ZBTB16: variants seen among roughly 807,000 people sequenced by gnomAD.
ZBTB16 encodes the protein zinc finger and BTB domain-containing protein 16.
A neutral mutation model predicts 56.8 loss-of-function variants in ZBTB16; 8 were observed. The ratio of observed to expected loss-of-function variants is 0.14; its 90% CI spans 0.08 to 0.25. The LOEUF (loss-of-function observed/expected upper bound fraction) is 0.25. ZBTB16 is among the 10% of genes least tolerant of loss of function. ZBTB16 has a pLI of 1.00. For synonymous variants in ZBTB16, 363 were observed against 368.5 expected, an observed-to-expected ratio of 0.98 and a Z score of 0.17; for missense variants, 625 against 903.0, an observed-to-expected ratio of 0.69 and a Z score of 3.95.
intron 5 of ZBTB16, among the ~76,000 whole-genome samples, chr11:114,242,970 AG>A: frequency 6.6e-6 from 1 of 152,074 alleles, no homozygotes; most frequent in Admixed American, 6.5e-5. Flanking sequence ...AGGGGGTACA[AG>A]GTAAGGAGGC....
chr11:114,089,061 C>G (rs1940077662), intron 2 of ZBTB16, among the ~76,000 whole-genome samples: 1 of 152,256 alleles, frequency 6.6e-6, no homozygotes, highest in Non-Finnish European at 1.5e-5. Flanking sequence ...TCCTCACCCC[C>G]ACCCAGTACC....
intron 3 of ZBTB16, among the ~76,000 whole-genome samples, chr11:114,182,481 G>GT (rs1475630847): frequency 6.6e-6 from 1 of 152,076 alleles, no homozygotes; most frequent in Non-Finnish European, 1.5e-5. Context: ...CGTCTCTTTT[G>GT]TTTATTTCCT....
intron 3 of ZBTB16, among the ~76,000 whole-genome samples, chr11:114,181,303 A>G (rs1253460276): frequency 1.3e-5 from 2 of 152,098 alleles, no homozygotes; most frequent in Admixed American, 6.6e-5. Flanking sequence ...CCTTGTCGCA[A>G]CTCTCCAAGG....
chr11:114,241,919 C>T (rs183512883), intron 4 of ZBTB16, among the ~76,000 whole-genome samples: 115 of 152,246 alleles, frequency 7.6e-4, no homozygotes, highest in Non-Finnish European at 1.2e-3. Flanking sequence ...CTTGCTGCTG[C>T]GATGTATTTG....
intron 3 of ZBTB16, among the ~76,000 whole-genome samples, chr11:114,170,882 T>C (rs114647080): frequency 0.011 from 1,692 of 152,306 alleles, 33 homozygotes; most frequent in African/African-American, 0.036. Context: ...CTCAGTTGCC[T>C]TTGCTAATAT....
At chr11:114,249,670 C>T (rs1445043550) in intron 6 of ZBTB16, among the ~76,000 whole-genome samples, 1 of 142,238 alleles carries the variant, frequency 7.0e-6, no homozygotes, top group African/African-American at 2.7e-5. Flanking sequence ...GAGGCTGAGG[C>T]AGGAGAATGG....
chr11:114,165,009 T>G (rs1942704064), intron 3 of ZBTB16, among the ~76,000 whole-genome samples: 1 of 152,212 alleles, frequency 6.6e-6, no homozygotes, highest in South Asian at 2.1e-4. Context: ...TGTCTCCATC[T>G]GTCTTCGTTG....
intron 2 of ZBTB16, among the ~76,000 whole-genome samples, chr11:114,109,496 G>A (rs1000048030): frequency 6.6e-6 from 1 of 152,158 alleles, no homozygotes; most frequent in African/African-American, 2.4e-5. Flanking sequence ...GGCTGGAGTT[G>A]GGGTACACAA....
intron 3 of ZBTB16, among the ~76,000 whole-genome samples, chr11:114,176,501 A>G (rs577056922): frequency 8.5e-5 from 13 of 152,314 alleles, no homozygotes; most frequent in African/African-American, 2.6e-4. Flanking sequence ...TCTCTGTTCC[A>G]TTCTACCTGC....
Position 114,153,494 on chromosome 11 carries a change from C to T in ZBTB16, c.1269-2843C>T, listed in dbSNP as rs116127574. Reference sequence around the variant, plus strand: ...CCGGGTCTCTGAAGGCAGCGAAATGCATGACAACAGAGTCATTCCGAGGAC... The same window carrying T: ...CCGGGTCTCTGAAGGCAGCGAAATGTATGACAACAGAGTCATTCCGAGGAC... On this transcript the variant is annotated intron_variant, in intron 2 of 6. Transcript: ENST00000335953. Among the ~76,000 whole-genome samples, 494 of 152,318 alleles carry T rather than the reference C, an allele frequency of 3.2e-3. 1 individual carries two copies. Among genetic ancestry groups the T allele is most frequent in the African/African-American group, 0.011 (474 of 41,560 alleles).
At chr11:114,216,454 T>C (rs1318903241) in intron 4 of ZBTB16, among the ~76,000 whole-genome samples, 1 of 152,118 alleles carries the variant, frequency 6.6e-6, no homozygotes, top group African/African-American at 2.4e-5. Flanking sequence ...TTATCTTTGG[T>C]CAGAAGGAGG....
At chr11:114,137,249 G>A (rs1360139914) in intron 2 of ZBTB16, among the ~76,000 whole-genome samples, 2 of 152,160 alleles carry the variant, frequency 1.3e-5, no homozygotes, top group Non-Finnish European at 2.9e-5. Context: ...TCTACCAAAA[G>A]AGAAACTAAA....
At chr11:114,066,934 C>A (rs1939141874) in intron 2 of ZBTB16, among the ~76,000 whole-genome samples, 1 of 151,966 alleles carries the variant, frequency 6.6e-6, no homozygotes, top group Non-Finnish European at 1.5e-5. Context: ...CCCCGCCCAG[C>A]TAATTTTTTG....
At chr11:114,113,404 G>C (rs1432318001) in intron 2 of ZBTB16, among the ~76,000 whole-genome samples, 3 of 152,188 alleles carry the variant, frequency 2.0e-5, no homozygotes, top group Non-Finnish European at 4.4e-5. Context: ...TGGAATTTTG[G>C]GAAGAATGAA....
intron 2 of ZBTB16, among the ~76,000 whole-genome samples, chr11:114,102,598 TGGGA>T (rs1453113241): frequency 6.6e-6 from 1 of 150,900 alleles, no homozygotes; most frequent in Non-Finnish European, 1.5e-5. Flanking sequence ...GTGAATCTAT[TGGGA>T]AATGCATGGG....
At chr11:114,180,551 CCTTTTCCTCT>C (rs1294736504) in intron 3 of ZBTB16, among the ~76,000 whole-genome samples, 1 of 152,186 alleles carries the variant, frequency 6.6e-6, no homozygotes, top group Non-Finnish European at 1.5e-5. Flanking sequence ...ACCTTTCCTC[CCTTTTCCTCT>C]CAACTACCTG....
rs1565705590 is a variant in ZBTB16 at position 114,242,223 on chromosome 11, G to A, written c.1510G>A (p.Ala504Thr). Residue 504 changes from alanine to threonine, a missense_variant, in exon 5 of 7, where the codon GCA becomes ACA. Physicochemically the swap from Ala to Thr is moderately conservative, Grantham distance 58 (BLOSUM62 0). Around this residue, in one of 6 missense-constraint regions of ZBTB16, gnomAD observed 140 missense variants for 214.8 expected, o/e 0.65. Coordinates refer to ENST00000335953, the MANE Select transcript of ZBTB16 (RefSeq NM_006006.6). The stretch of plus-strand genomic sequence containing the variant: ...TGGGAAGCGCTTCCAGGCGCAGAGC[G>A]CACTGCAGCAGCACATGGAGGTCCA... ...LCGKRFQAQS[A>T]LQQHMEVHAG... 11 of 1,613,886 alleles carry A rather than the reference G, an allele frequency of 6.8e-6. 1 individual carries two copies. Among genetic ancestry groups the A allele is most frequent in the South Asian group, 2.2e-5 (2 of 91,086 alleles).
At chr11:114,151,770 C>G (rs1036163567) in intron 2 of ZBTB16, among the ~76,000 whole-genome samples, 15 of 152,194 alleles carry the variant, frequency 9.9e-5, no homozygotes, top group East Asian at 3.9e-4. Context: ...TAGCCTTCCC[C>G]CCTTGGTCCC....
At chr11:114,184,656 T>C (rs1047680876) in intron 3 of ZBTB16, among the ~76,000 whole-genome samples, 1 of 152,224 alleles carries the variant, frequency 6.6e-6, no homozygotes, top group African/African-American at 2.4e-5. Context: ...AGCTTGAATT[T>C]ACTCATCTGC....
Sources: gnomAD v4.1 joint callset for allele counts (sites outside exome capture counted in the v4.1 genomes callset) on GRCh38, gnomAD v4.1.1 for gene constraint, gnomAD v4.1.1 regional missense constraint, MANE v1.5 for transcripts, NCBI Gene and HGNC (gene_info 2026-07-23, HGNC 2026-07-21) for gene names.